ARHGAP9: variants seen among roughly 807,000 people sequenced by gnomAD.
The protein encoded by ARHGAP9 is rho GTPase-activating protein 9.
A neutral mutation model predicts 87.3 loss-of-function variants in ARHGAP9; 76 were observed. The observed-to-expected ratio is 0.87, with a 90% CI of 0.72 to 1.05. The LOEUF (loss-of-function observed/expected upper bound fraction) is 1.05, where lower values mean the gene tolerates loss of function less well. ARHGAP9 is among the 50% of genes least tolerant of loss of function. The probability of loss-of-function intolerance (pLI) is 0.00; values close to 1 mark genes in which losing one functional copy is unlikely to be tolerated. For synonymous variants in ARHGAP9, 382 were observed against 394.9 expected (o/e 0.97, Z 0.39); for missense variants, 941 against 960.5 (o/e 0.98, Z 0.27).
At chr12:57,472,860 C>T (rs1304029041) in intron 17 of ARHGAP9, among the ~76,000 whole-genome samples, 172 bp from the exon 18 acceptor site, 1 of 152,168 alleles carries the variant, frequency 6.6e-6, no homozygotes, top group East Asian at 1.9e-4. Flanking sequence ...AGTGGAGAAA[C>T]CTTCAGGATA....
Position 57,476,965 on chromosome 12 carries a change from T to C in ARHGAP9, c.871-2A>G. On this transcript the variant is annotated splice_acceptor_variant, in intron 5 of 17. Transcript: ENST00000393791. LOFTEE classifies it high-confidence loss of function. Reference sequence around the variant, plus strand: ...GCGTTGGCTGAGGCTGAGTGAACCCTAGGGGAGAGGATTGGAGAAACAGGT... The same window carrying C: ...GCGTTGGCTGAGGCTGAGTGAACCCCAGGGGAGAGGATTGGAGAAACAGGT... 2 of 1,604,010 alleles carry C rather than the reference T, an allele frequency of 1.2e-6. No homozygotes were observed. Among genetic ancestry groups the C allele is most frequent in the Non-Finnish European group, 1.7e-6 (2 of 1,178,778 alleles).
intron 3 of ARHGAP9, 55 bp downstream of exon 3, chr12:57,478,485 G>C (rs1424060195): frequency 6.5e-7 from 1 of 1,537,320 alleles, no homozygotes; most frequent in Admixed American, 1.7e-5. Context: ...GAAGACAGAG[G>C]TGCTGTCTGT....
chr12:57,472,823 G>C, intron 17 of ARHGAP9, 135 bp from the exon 18 acceptor site: 1 of 875,154 alleles, frequency 1.1e-6, no homozygotes, highest in Non-Finnish European at 1.8e-6. Flanking sequence ...AAAAACCAAG[G>C]AGATACAAGG....
In ARHGAP9 at chr12:57,475,571, G is replaced by C; in HGVS notation, c.1356C>G (p.Pro452=). The change falls in exon 11 of 18, where the codon CCC becomes CCG. Residue 452 remains proline, a synonymous_variant. Coordinates refer to ENST00000393791, the MANE Select transcript of ARHGAP9 (RefSeq NM_032496.4). ...CGTCCTCCCCGGCGCTCAGCTCCGCGGGTCCAGAGCCCGACAGACGCAGCT... is the reference window on the plus strand; with the variant it reads ...CGTCCTCCCCGGCGCTCAGCTCCGCCGGTCCAGAGCCCGACAGACGCAGCT... The part of the protein sequence containing the change: ...PLELRLSGSG[P]AELSAGEDEE... 1 of 1,611,368 alleles carries C rather than the reference G, an allele frequency of 6.2e-7. No homozygotes were observed. The highest frequency in any genetic ancestry group is 8.5e-7 in the Non-Finnish European group (1 of 1,179,152).
At chr12:57,480,841 G>A (rs773659355), upstream of ARHGAP9, 2 of 1,550,486 alleles carry the variant, frequency 1.3e-6, no homozygotes, top group South Asian at 2.4e-5. Flanking sequence ...CTTTCTGTTT[G>A]GGTTTGGAGA....
Position 57,474,308 on chromosome 12 carries a change from T to C in ARHGAP9, c.1783+115A>G, listed in dbSNP as rs374309877. The C allele has an allele frequency of 8.3e-6, 13 of 1,573,034 alleles. No individual in the cohort carries two copies. In the African/African-American group the frequency reaches 1.1e-4, roughly 13 times the overall value. ...CTAGAGGGTCTGCAGTGGGGCAAGGTAGCTAAGGTGGGGATGAGGACAACC... is the reference window on the plus strand; with the variant it reads ...CTAGAGGGTCTGCAGTGGGGCAAGGCAGCTAAGGTGGGGATGAGGACAACC... On this transcript the variant is annotated intron_variant, in intron 15 of 17. Transcript: ENST00000393791.
rs1196195088 is a variant in ARHGAP9, at chr12:57,474,492, G to A, written c.1730-16C>T. ...ACCGCACGCTCTGCAACATGAATGA[G>A]GAGAGATCAGGAGCTAAGACATACA... On this transcript the variant is annotated splice_polypyrimidine_tract_variant and intron_variant, in intron 14 of 17. Coordinates refer to ENST00000393791, the MANE Select transcript of ARHGAP9 (RefSeq NM_032496.4). 1.2e-6 allele frequency: 2 copies of A among 1,614,062 alleles called. No individual in the cohort carries two copies. The highest frequency in any genetic ancestry group is 1.7e-6 in the Non-Finnish European group (2 of 1,180,050).
rs755850494 is a variant in ARHGAP9, at chr12:57,476,618, T to C, written c.997A>G (p.Lys333Glu). ...AGCTTGCGCCCCCCTTGGGCAATCT[T>C]GGTCATGTTGAGCAGACCCGACTTT... ...VEKSGLLNMT[K>E]IAQGGRKLRK... Residue 333 changes from lysine (K) to glutamate (E), a missense_variant, in exon 7 of 18, where the codon AAG becomes GAG. Lys to Glu is a moderately conservative substitution (Grantham distance 56). Coordinates refer to ENST00000393791, the MANE Select transcript of ARHGAP9 (RefSeq NM_032496.4). 20 of 1,614,044 alleles carry C rather than the reference T, an allele frequency of 1.2e-5. No homozygotes were observed. In the Admixed American group the frequency reaches 2.5e-4, roughly 20 times the overall value.
chr12:57,478,716 C>T lies in ARHGAP9; in HGVS notation c.358G>A (p.Ala120Thr), dbSNP rs757528842. 1.2e-6 allele frequency: 2 copies of T among 1,613,280 alleles called. No individual in the cohort carries two copies. Among genetic ancestry groups the T allele is most frequent in the East Asian group, 2.2e-5 (1 of 44,856 alleles). The change falls in exon 3 of 18, where the codon GCC (alanine) becomes ACC (threonine). Residue 120 changes from alanine to threonine, a missense_variant. Transcript: ENST00000393791. ...FHGSLEELSQ[A>T]LPSRAQASSE... ...CTAGCCTGAGCCCTGCTTGGGAGGG[C>T]CTGAGACAACTCCTCCAGGGAACCA...
intron 5 of ARHGAP9, 51 bp downstream of exon 5, chr12:57,477,105 A>T (rs572144410): frequency 6.3e-7 from 1 of 1,594,960 alleles, no homozygotes; most frequent in African/African-American, 1.3e-5. Context: ...ACAGAAAGTC[A>T]TAACAAGCTG....
At chr12:57,473,944 G>T in intron 16 of ARHGAP9, 98 bp downstream of exon 16, 1 of 1,462,906 alleles carries the variant, frequency 6.8e-7, no homozygotes, top group Non-Finnish European at 9.1e-7. Context: ...CATCTCTAAA[G>T]TCAGAATGGG....
At chr12:57,479,061 G>T in intron 2 of ARHGAP9, 30 bp downstream of exon 2, 1 of 1,605,848 alleles carries the variant, frequency 6.2e-7, no homozygotes, top group Non-Finnish European at 8.5e-7. Context: ...AGGTAGGAAG[G>T]TGAAGGGAGA....
Position 57,474,085 on chromosome 12 carries a change from A to C in ARHGAP9, c.1875T>G (p.Pro625=). The change falls in exon 16 of 18, where the codon CCT becomes CCG. Residue 625 remains proline, a synonymous_variant. Coordinates refer to ENST00000393791, the MANE Select transcript of ARHGAP9 (RefSeq NM_032496.4). ...LKLFLRELPQ[P]LVPPLLLPHF... Reference sequence around the variant, plus strand: ...GGGGCAGCAGCAGTGGTGGCACCAGAGGCTGGGGCAGCTCCCGGAGAAAAA... The same window carrying C: ...GGGGCAGCAGCAGTGGTGGCACCAGCGGCTGGGGCAGCTCCCGGAGAAAAA... 1 of 1,613,982 alleles carries C rather than the reference A, an allele frequency of 6.2e-7. No individual in the cohort carries two copies. Among genetic ancestry groups the C allele is most frequent in the South Asian group, 1.1e-5 (1 of 91,076 alleles).
chr12:57,480,652 A>G, upstream of ARHGAP9: 8 of 856,310 alleles, frequency 9.3e-6, no homozygotes, highest in Non-Finnish European at 1.5e-5. Flanking sequence ...AACAATGGAC[A>G]AGTAATGCAA....
Position 57,475,405 on chromosome 12 carries a change from G to T in ARHGAP9, c.1445-7C>A. The T allele has an allele frequency of 6.3e-7, 1 of 1,589,254 alleles. No individual in the cohort carries two copies. Among genetic ancestry groups the T allele is most frequent in the East Asian group, 2.3e-5 (1 of 44,004 alleles). On this transcript the variant is annotated splice_region_variant and splice_polypyrimidine_tract_variant and intron_variant, in intron 11 of 17. Transcript: ENST00000393791. ...GTGCCTTCGGGCCCCCGAACTGCAG[G>T]AGGCAGGTAGAGCGGGGCGTGAGCG... is the stretch of plus-strand genomic sequence containing the variant.
In ARHGAP9 at chr12:57,476,638, G is replaced by A. The variant is rs771901213; in HGVS notation, c.977C>T (p.Ser326Leu). The change falls in exon 7 of 18, where the codon TCG becomes TTG. Residue 326 changes from serine to leucine, a missense_variant. Coordinates refer to ENST00000393791, the MANE Select transcript of ARHGAP9 (RefSeq NM_032496.4). ...LLDDPHEVEKSGLLNMTKIAQ... is the reference protein window; with the variant it reads ...LLDDPHEVEKLGLLNMTKIAQ... The stretch of plus-strand genomic sequence containing the variant: ...AATCTTGGTCATGTTGAGCAGACCC[G>A]ACTTTTCCACCTCCTGGGAAGTGGA... The A allele has an allele frequency of 5.0e-6, 8 of 1,613,750 alleles. No homozygotes were observed. The highest frequency in any genetic ancestry group is 1.1e-5 in the South Asian group (1 of 91,048).
chr12:57,475,778 C>A, intron 10 of ARHGAP9, 55 bp downstream of exon 10: 1 of 1,595,420 alleles, frequency 6.3e-7, no homozygotes, highest in African/African-American at 1.3e-5. Context: ...GTTCCTACCC[C>A]ACTCCCTTGG....
At position 57,473,712 on chromosome 12, in the gene ARHGAP9, G is replaced by T. The variant is rs1339953625; in HGVS notation, c.1919-4C>A. On this transcript the variant is annotated splice_region_variant and splice_polypyrimidine_tract_variant and intron_variant, in intron 16 of 17. Coordinates refer to ENST00000393791, the MANE Select transcript of ARHGAP9 (RefSeq NM_032496.4). Reference sequence around the variant, plus strand: ...CACTGCTCTGATTCGGAGAGTGCTAGAGAGAGTGATGGGAAAGGCATGGTA... The same window carrying T: ...CACTGCTCTGATTCGGAGAGTGCTATAGAGAGTGATGGGAAAGGCATGGTA... The T allele has an allele frequency of 1.2e-6, 2 of 1,612,812 alleles. No individual in the cohort carries two copies. Among genetic ancestry groups the T allele is most frequent in the Non-Finnish European group, 1.7e-6 (2 of 1,178,898 alleles).
intron 17 of ARHGAP9, among the ~76,000 whole-genome samples, chr12:57,473,283 G>A (rs993918784): frequency 6.6e-6 from 1 of 152,020 alleles, no homozygotes; most frequent in Admixed American, 6.6e-5. Context: ...CGTGGTGGCG[G>A]GCACCTGTAA....
Sources: gnomAD v4.1 joint callset for allele counts (sites outside exome capture counted in the v4.1 genomes callset) on GRCh38, gnomAD v4.1.1 for gene constraint, MANE v1.5 for transcripts, NCBI Gene and HGNC (gene_info 2026-07-23, HGNC 2026-07-21) for gene names.